LPP: variants seen among roughly 807,000 people sequenced by gnomAD.
LPP encodes the protein lipoma-preferred partner.
LPP carries 38 observed loss-of-function variants against 60.4 expected under a neutral mutation model. The ratio of observed to expected loss-of-function variants is 0.63; its 90% CI spans 0.49 to 0.83. The LOEUF is 0.83. LPP is among the 40% of genes least tolerant of loss of function. LPP has a pLI of 0.00. For missense variants in LPP, 902 were observed against 783.6 expected, an observed-to-expected ratio of 1.15 and a Z score of -1.80; for synonymous variants, 328 against 290.8, an observed-to-expected ratio of 1.13 and a Z score of -1.30.
chr3:188,192,223 T>C (rs9838692), intron 1 of LPP, among the ~76,000 whole-genome samples: 74,056 of 152,022 alleles, frequency 0.49, 19,410 homozygotes, highest in Non-Finnish European at 0.61. Flanking sequence ...GGGTTGGTGA[T>C]GCTTGAGTTG....
intron 9 of LPP, among the ~76,000 whole-genome samples, chr3:188,770,656 G>A (rs926908999): frequency 5.9e-5 from 9 of 152,064 alleles, no homozygotes; most frequent in Non-Finnish European, 1.2e-4. Flanking sequence ...GTGTGTGTCC[G>A]TGTGATCAGG....
intron 9 of LPP, among the ~76,000 whole-genome samples, chr3:188,848,955 A>T (rs1009626617): frequency 8.1e-5 from 12 of 147,310 alleles, no homozygotes; most frequent in South Asian, 2.2e-4. Context: ...ACAGAACGAG[A>T]CTCTGTCTCA....
At chr3:188,643,183 G>A (rs1409689505) in intron 7 of LPP, among the ~76,000 whole-genome samples, 1 of 152,170 alleles carries the variant, frequency 6.6e-6, no homozygotes, top group Non-Finnish European at 1.5e-5. Context: ...ATTTTACAGA[G>A]GAGAAAGTCA....
intron 8 of LPP, among the ~76,000 whole-genome samples, chr3:188,730,643 A>C (rs1720117149): frequency 6.6e-6 from 1 of 152,192 alleles, no homozygotes; most frequent in Admixed American, 6.5e-5. Context: ...TTATCAACTA[A>C]AAGGGGTTGT....
intron 11 of LPP, among the ~76,000 whole-genome samples, chr3:188,873,222 T>C (rs2152054786): frequency 6.6e-6 from 1 of 152,342 alleles, no homozygotes; most frequent in Middle Eastern, 3.4e-3. Flanking sequence ...TATATCTGCA[T>C]GTTCTTTTCA....
Position 188,265,870 on chromosome 3 carries a change from G to GGTGTGTGTGT in LPP, c.-67+40368_-67+40377dup, listed in dbSNP as rs55722565. On this transcript the variant is annotated intron_variant, in intron 2 of 11. Coordinates refer to ENST00000617246, the MANE Select transcript of LPP (RefSeq NM_001375462.1). Reference sequence around the variant, plus strand: ...AAAAGGGCTGTGATAGGATTACTCTGGTGTGTGTGTGTGTGTGTGTGTGTG... The same window carrying GGTGTGTGTGT: ...AAAAGGGCTGTGATAGGATTACTCTGGTGTGTGTGTGTGTGTGTGTGTGTGTGTGTGTGTG... Among the ~76,000 whole-genome samples, 542 of 143,418 alleles carry GGTGTGTGTGT rather than the reference G, an allele frequency of 3.8e-3. 3 individuals are homozygous for GGTGTGTGTGT. The highest frequency in any genetic ancestry group is 7.5e-3 in the African/African-American group (288 of 38,420). The allele number at this position is 143,418 out of a possible 152,430, so 94.1% of individuals were successfully genotyped here.
rs1553796010 is a variant in LPP, at chr3:188,154,209, G to GCCGCCGCCGCCA, written c.-228_-227insGCCGCCACCGCC. Among the ~76,000 whole-genome samples, 1 of 151,356 alleles carries GCCGCCGCCGCCA rather than the reference G, an allele frequency of 6.6e-6. No homozygotes were observed. Among genetic ancestry groups the GCCGCCGCCGCCA allele is most frequent in the Non-Finnish European group, 1.5e-5 (1 of 67,746 alleles). On this transcript the variant is annotated 5_prime_UTR_variant, in exon 1 of 12. Transcript: ENST00000617246. The stretch of plus-strand genomic sequence containing the variant: ...TCCAGCCGCCGCCGCCGCCGCCGCC[G>GCCGCCGCCGCCA]CCGCCACCACCACCGCCGCTGCCCC...
intron 4 of LPP, among the ~76,000 whole-genome samples, chr3:188,429,946 C>T (rs1275742374): frequency 2.6e-5 from 4 of 151,910 alleles, no homozygotes; most frequent in Non-Finnish European, 4.4e-5. Context: ...TATATGTGGC[C>T]GTATTATGGT....
intron 2 of LPP, among the ~76,000 whole-genome samples, chr3:188,330,892 TAC>T (rs1759855470): frequency 2.0e-5 from 3 of 150,094 alleles, no homozygotes; most frequent in South Asian, 2.1e-4. Context: ...AATAAATAAA[TAC>T]GTAAGAATCC....
chr3:188,698,388 A>T (rs1863725206), intron 7 of LPP, among the ~76,000 whole-genome samples: 1 of 152,100 alleles, frequency 6.6e-6, no homozygotes, highest in African/African-American at 2.4e-5. Flanking sequence ...TAACATCCAT[A>T]AAGCCTAATT....
In LPP at chr3:188,610,776, C is replaced by A. The variant is rs1359400451; in HGVS notation, c.1113+932C>A. Among the ~76,000 whole-genome samples the A allele has an allele frequency of 6.6e-6, 1 of 152,080 alleles. No homozygotes were observed. Among genetic ancestry groups the A allele is most frequent in the Non-Finnish European group, 1.5e-5 (1 of 68,028 alleles). On this transcript the variant is annotated intron_variant, in intron 7 of 11. Transcript: ENST00000617246. The surrounding 1 kb of genome is among the most constrained non-coding windows in gnomAD (Gnocchi z 4.4). ...ATTCCTCCCATTATGACTAGAGGAA[C>A]CAATAAGAATAACTTGGAATCGGTG...
intron 1 of LPP, among the ~76,000 whole-genome samples, chr3:188,154,749 G>A (rs939037902): frequency 1.3e-4 from 20 of 152,190 alleles, no homozygotes; most frequent in African/African-American, 4.8e-4. Context: ...CATTTCTCTA[G>A]CACCCTGTGT....
At chr3:188,852,788 A>G (rs976180553) in intron 9 of LPP, among the ~76,000 whole-genome samples, 1 of 152,292 alleles carries the variant, frequency 6.6e-6, no homozygotes. Flanking sequence ...GCAAACTAAG[A>G]TAGCAACTGA....
At chr3:188,298,664 C>T (rs1355032192) in intron 2 of LPP, among the ~76,000 whole-genome samples, 1 of 152,010 alleles carries the variant, frequency 6.6e-6, no homozygotes, top group Non-Finnish European at 1.5e-5. Flanking sequence ...TTTAATCCAT[C>T]GGTATGAGGA....
At chr3:188,295,008 C>G (rs559194249) in intron 2 of LPP, among the ~76,000 whole-genome samples, 1 of 152,180 alleles carries the variant, frequency 6.6e-6, no homozygotes, top group Non-Finnish European at 1.5e-5. Flanking sequence ...TTTTCCCATC[C>G]TCCATCAGGG....
Position 188,877,847 on chromosome 3 carries a change from T to C in LPP, c.*3368T>C. The stretch of plus-strand genomic sequence containing the variant: ...CTCTGCAGCTCAAAGATGTGGGTTC[T>C]TTTTCTTGTCATTAACACATTGTTA... On this transcript the variant is annotated 3_prime_UTR_variant, in exon 12 of 12. Transcript: ENST00000617246. 1 of 214,928 alleles carries C rather than the reference T, an allele frequency of 4.7e-6. No individual in the cohort carries two copies. The allele number at this position is 214,928 out of a possible 1,614,324, so 13.3% of individuals were successfully genotyped here.
chr3:188,369,776 G>A (rs1198937918), intron 3 of LPP, among the ~76,000 whole-genome samples: 1 of 152,102 alleles, frequency 6.6e-6, no homozygotes, highest in Non-Finnish European at 1.5e-5. Flanking sequence ...GATTTCCTGT[G>A]TTCTTGGGCA....
At chr3:188,767,507 T>A (rs1734539439) in intron 9 of LPP, among the ~76,000 whole-genome samples, 1 of 152,198 alleles carries the variant, frequency 6.6e-6, no homozygotes, top group South Asian at 2.1e-4. Flanking sequence ...ATAATATGAT[T>A]GATAACGTTA....
At chr3:188,430,134 T>C (rs1008710274) in intron 4 of LPP, among the ~76,000 whole-genome samples, 33 of 151,808 alleles carry the variant, frequency 2.2e-4, no homozygotes, top group African/African-American at 7.7e-4. Flanking sequence ...AAATAAGTTA[T>C]TATTTCCTCA....
Sources: gnomAD v4.1 joint callset for allele counts (sites outside exome capture counted in the v4.1 genomes callset) on GRCh38, gnomAD v4.1.1 for gene constraint, Gnocchi (gnomAD v3.1) non-coding constraint, MANE v1.5 for transcripts, NCBI Gene and HGNC (gene_info 2026-07-23, HGNC 2026-07-21) for gene names.